The following MRPS6 variants were observed in gnomAD, a reference collection of about 807,000 sequenced individuals.
The protein encoded by MRPS6 is small ribosomal subunit protein bS6m.
A neutral mutation model predicts 13.1 loss-of-function variants in MRPS6; 6 were observed. That is an observed-to-expected ratio of 0.46 (90% confidence interval 0.25 to 0.91). The LOEUF is 0.91. Among genes scored for constraint, MRPS6 ranks in the 40% least tolerant of loss-of-function variants. MRPS6 has a pLI of 0.18. For missense variants in MRPS6, 164 were observed against 155.6 expected (o/e 1.05, Z -0.29); for synonymous variants, 61 against 56.5 (o/e 1.08, Z -0.36).
chr21:34,123,851 C>G (rs143368815), intron 1 of MRPS6: 91 of 152,320 alleles, frequency 6.0e-4, no homozygotes, highest in African/African-American at 2.1e-3. Context: ...CATGTAGCTA[C>G]CACACCGCGG....
chr21:34,101,091 A>T (rs1979216500), intron 1 of MRPS6: 27 of 1,000,174 alleles, frequency 2.7e-5, no homozygotes, highest in Non-Finnish European at 3.3e-5. Flanking sequence ...AAATTACGTG[A>T]CTACAGAGAC....
intron 1 of MRPS6, among the ~76,000 whole-genome samples, chr21:34,115,140 T>G (rs1468825984): frequency 6.6e-6 from 1 of 152,224 alleles, no homozygotes; most frequent in Non-Finnish European, 1.5e-5. Context: ...TCTTGGGTCC[T>G]TCGTTTTGGC....
intron 1 of MRPS6, among the ~76,000 whole-genome samples, chr21:34,080,901 G>T (rs1458723781): frequency 6.6e-6 from 1 of 152,184 alleles, no homozygotes; most frequent in African/African-American, 2.4e-5. Flanking sequence ...CGCTCACGCT[G>T]GGTGAGTTGT....
intron 1 of MRPS6, among the ~76,000 whole-genome samples, chr21:34,117,613 C>G (rs1979971940): frequency 6.6e-6 from 1 of 152,174 alleles, no homozygotes; most frequent in Non-Finnish European, 1.5e-5. Context: ...CTTGGACATA[C>G]TTGTCTTGAG....
chr21:34,142,367 A>C (rs1210591728), intron 2 of MRPS6, 41 bp from the exon 3 acceptor site: 2 of 1,534,250 alleles, frequency 1.3e-6, no homozygotes, highest in African/African-American at 2.8e-5. Flanking sequence ...GAATTATTAC[A>C]ATTCAAATGC....
intron 1 of MRPS6, among the ~76,000 whole-genome samples, chr21:34,112,198 C>T (rs1397618357): frequency 2.0e-5 from 3 of 152,124 alleles, no homozygotes; most frequent in Non-Finnish European, 4.4e-5. Context: ...TTTCTCAATT[C>T]TCCATTTATT....
intron 1 of MRPS6, among the ~76,000 whole-genome samples, chr21:34,119,664 T>C (rs1980052195): frequency 6.6e-6 from 1 of 152,138 alleles, no homozygotes; most frequent in African/African-American, 2.4e-5. Context: ...AACTAGGGTG[T>C]GGTAGTGCTA....
intron 2 of MRPS6, among the ~76,000 whole-genome samples, chr21:34,129,115 G>A (rs1980410868): frequency 6.6e-6 from 1 of 152,190 alleles, no homozygotes; most frequent in African/African-American, 2.4e-5. Context: ...TTTGGAAGGG[G>A]AAGATGTCAT....
At chr21:34,142,339 A>G (rs1232377917) in intron 2 of MRPS6, 69 bp from the exon 3 acceptor site, 2 of 1,504,748 alleles carry the variant, frequency 1.3e-6, no homozygotes, top group East Asian at 2.3e-5. Context: ...TAAAATGGAA[A>G]CACTGACCAA....
intron 1 of MRPS6, chr21:34,102,677 AG>A: frequency 1.0e-6 from 1 of 1,000,168 alleles, no homozygotes; most frequent in Non-Finnish European, 1.2e-6. Flanking sequence ...AAAGGATGCT[AG>A]AATAAAGTAA....
At chr21:34,129,254 G>A (rs1335799293) in intron 2 of MRPS6, among the ~76,000 whole-genome samples, 1 of 152,110 alleles carries the variant, frequency 6.6e-6, no homozygotes, top group Non-Finnish European at 1.5e-5. Context: ...GGGCTGCACG[G>A]AGCTTATGGT....
chr21:34,106,725 GA>G (rs1251295145), intron 1 of MRPS6, among the ~76,000 whole-genome samples: 2 of 152,140 alleles, frequency 1.3e-5, no homozygotes, highest in African/African-American at 4.8e-5. Context: ...TATTTCTTAA[GA>G]ACAGTCACTC....
intron 1 of MRPS6, among the ~76,000 whole-genome samples, chr21:34,091,268 CCCTGT>C (rs1978673566): frequency 0.1 from 2 of 20 alleles, no homozygotes; most frequent in Non-Finnish European, 0.17. Context: ...GCAGGCCCCG[CCCTGT>C]GTCATTGAAC....
At chr21:34,099,027 T>C (rs541339426) in intron 1 of MRPS6, 1 of 992,936 alleles carries the variant, frequency 1.0e-6, no homozygotes, top group African/African-American at 1.8e-5. Context: ...TAAACTAGTT[T>C]CATTATGATG....
chr21:34,105,182 G>A, intron 1 of MRPS6: 1 of 1,000,156 alleles, frequency 1.0e-6, no homozygotes, highest in Non-Finnish European at 1.2e-6. Context: ...TCAGTTTATA[G>A]ATTGCCAGCA....
intron 1 of MRPS6, chr21:34,103,243 C>G: frequency 2.0e-6 from 2 of 999,118 alleles, no homozygotes; most frequent in South Asian, 9.4e-5. Context: ...TGCTAGTTTG[C>G]ACCTTTCCGT....
At chr21:34,085,057 T>C (rs1266919030) in intron 1 of MRPS6, among the ~76,000 whole-genome samples, 1 of 152,226 alleles carries the variant, frequency 6.6e-6, no homozygotes. Flanking sequence ...CCACCAAATA[T>C]TCAATTCATA....
chr21:34,099,687 TAGTA>T, intron 1 of MRPS6: 1 of 998,172 alleles, frequency 1.0e-6, no homozygotes, highest in Non-Finnish European at 1.2e-6. Context: ...GCTCTTGTCT[TAGTA>T]AGATACATAA....
intron 1 of MRPS6, among the ~76,000 whole-genome samples, chr21:34,118,632 A>C (rs531328258): frequency 7.5e-5 from 11 of 146,880 alleles, no homozygotes; most frequent in Admixed American, 3.5e-4. Flanking sequence ...TTTGAGCCTC[A>C]GCCACCCGAG....
Sources: gnomAD v4.1 joint callset for allele counts (sites outside exome capture counted in the v4.1 genomes callset) on GRCh38, gnomAD v4.1.1 for gene constraint, MANE v1.5 for transcripts, NCBI Gene and HGNC (gene_info 2026-07-23, HGNC 2026-07-21) for gene names.